Variants in ARHGAP24 observed in about 807,000 individuals in gnomAD.
The protein encoded by ARHGAP24 is Rho GTPase activating protein 24.
ARHGAP24 carries 50 observed loss-of-function variants against 76.4 expected under a neutral mutation model. The ratio of observed to expected loss-of-function variants is 0.65; its 90% CI spans 0.52 to 0.83. ARHGAP24 has a LOEUF of 0.83. Ranked by LOEUF, ARHGAP24 falls within the 40% of genes least tolerant of loss-of-function variation. ARHGAP24 has a pLI of 0.00. For synonymous variants in ARHGAP24, 345 were observed against 323.3 expected (o/e 1.07, Z -0.72); for missense variants, 930 against 914.2 (o/e 1.02, Z -0.22).
At chr4:85,587,143 GTAGT>G (rs1727894106) in intron 2 of ARHGAP24, among the ~76,000 whole-genome samples, 1 of 152,144 alleles carries the variant, frequency 6.6e-6, no homozygotes, top group African/African-American at 2.4e-5. Context: ...TTACTTTTAT[GTAGT>G]CAAACAGTGC....
intron 2 of ARHGAP24, among the ~76,000 whole-genome samples, chr4:85,667,116 G>T (rs1316798044): frequency 6.6e-6 from 1 of 152,212 alleles, no homozygotes; most frequent in East Asian, 1.9e-4. Flanking sequence ...GCCTACAGAG[G>T]CAGGCAGGCC....
At chr4:85,643,894 A>G (rs2109973337) in intron 2 of ARHGAP24, among the ~76,000 whole-genome samples, 1 of 152,302 alleles carries the variant, frequency 6.6e-6, no homozygotes, top group East Asian at 1.9e-4. Flanking sequence ...AGTCCAGGAA[A>G]GATTAGCCTG....
At chr4:85,719,403 ACAATT>A (rs2110041162) in intron 2 of ARHGAP24, among the ~76,000 whole-genome samples, 1 of 152,302 alleles carries the variant, frequency 6.6e-6, no homozygotes, top group East Asian at 1.9e-4. Flanking sequence ...CTTCTAACAT[ACAATT>A]TCTTGGGTTT....
intron 3 of ARHGAP24, among the ~76,000 whole-genome samples, chr4:85,744,522 C>T (rs561250891): frequency 1.3e-5 from 2 of 152,224 alleles, no homozygotes; most frequent in South Asian, 4.1e-4. Context: ...GGATCTTTAG[C>T]ATATTGGTTG....
chr4:85,507,201 C>T (rs2110103149), intron 1 of ARHGAP24, among the ~76,000 whole-genome samples: 1 of 151,932 alleles, frequency 6.6e-6, no homozygotes, highest in East Asian at 1.9e-4. Context: ...ATTTACTTGT[C>T]TTTTAAAAAT....
chr4:85,582,563 CT>C (rs1034538550), intron 2 of ARHGAP24, among the ~76,000 whole-genome samples: 7 of 151,988 alleles, frequency 4.6e-5, no homozygotes, highest in Non-Finnish European at 7.4e-5. Flanking sequence ...TAGTTTACTG[CT>C]TGAAATTGTA....
At chr4:85,731,397 C>A (rs1289570364) in intron 3 of ARHGAP24, among the ~76,000 whole-genome samples, 11 of 152,142 alleles carry the variant, frequency 7.2e-5, no homozygotes, top group African/African-American at 2.4e-4. Context: ...CACCTTCTAT[C>A]CCTACTGCCT....
chr4:85,971,062 T>C (rs1738943347), intron 5 of ARHGAP24, among the ~76,000 whole-genome samples: 1 of 152,228 alleles, frequency 6.6e-6, no homozygotes, highest in Non-Finnish European at 1.5e-5. Flanking sequence ...TTTCATTGTT[T>C]ATTTTTATAG....
intron 3 of ARHGAP24, among the ~76,000 whole-genome samples, chr4:85,903,268 T>A (rs1438144525): frequency 6.6e-6 from 1 of 152,182 alleles, no homozygotes; most frequent in Non-Finnish European, 1.5e-5. Context: ...TCTAAAAAAA[T>A]TTTCTGATAA....
chr4:85,518,612 C>T (rs775028463), intron 1 of ARHGAP24, among the ~76,000 whole-genome samples: 12 of 152,076 alleles, frequency 7.9e-5, no homozygotes, highest in Non-Finnish European at 1.2e-4. Context: ...TGAGAACATA[C>T]GATGTTTGGT....
In ARHGAP24 at chr4:85,535,486, C is replaced by T. The variant is rs145551480; in HGVS notation, c.-20-35036C>T. 5.8e-3 allele frequency among the ~76,000 whole-genome samples: 877 copies of T among 152,210 alleles called. 4 individuals carry two copies. Among genetic ancestry groups the T allele is most frequent in the African/African-American group, 0.02 (835 of 41,534 alleles). ...GGGAGGTCTAGAGATAGAAAAAGTA[C>T]CCAGGTCATCCCATTTGTCAATTCT... On this transcript the variant is annotated intron_variant, in intron 1 of 9. Coordinates refer to ENST00000395184, the MANE Select transcript of ARHGAP24 (RefSeq NM_001025616.3).
chr4:86,000,456 AC>A (rs144475387), intron 9 of ARHGAP24, 22 bp from the exon 10 acceptor site: 43 of 485,594 alleles, frequency 8.9e-5, no homozygotes, highest in South Asian at 1.8e-4. Flanking sequence ...CCCACCCCCC[AC>A]CCCCCCCAAC....
Position 85,926,703 on chromosome 4 carries a change from A to G in ARHGAP24, c.391+2933A>G, listed in dbSNP as rs148157146. Among the ~76,000 whole-genome samples, 489 of 152,288 alleles carry G rather than the reference A, an allele frequency of 3.2e-3. 4 individuals are homozygous for G. Among genetic ancestry groups the G allele is most frequent in the African/African-American group, 0.011 (462 of 41,560 alleles). On this transcript the variant is annotated intron_variant, in intron 4 of 9. Transcript: ENST00000395184. Reference sequence around the variant, plus strand: ...GTATTACGTTTCCACTTAACATTTCATTGAAATTAACTTTTCTGCCGATTT... The same window carrying G: ...GTATTACGTTTCCACTTAACATTTCGTTGAAATTAACTTTTCTGCCGATTT...
intron 8 of ARHGAP24, among the ~76,000 whole-genome samples, chr4:85,989,501 A>G (rs1340204171): frequency 6.6e-6 from 1 of 151,764 alleles, no homozygotes; most frequent in Non-Finnish European, 1.5e-5. Context: ...CTTTCAGAAA[A>G]AAAGAAGTAG....
At chr4:85,740,940 A>G (rs1725799229) in intron 3 of ARHGAP24, among the ~76,000 whole-genome samples, 1 of 152,228 alleles carries the variant, frequency 6.6e-6, no homozygotes, top group African/African-American at 2.4e-5. Context: ...TATTCTGTTC[A>G]CTATTGTATT....
rs569405807 is a variant in ARHGAP24, at chr4:86,001,190, T to G, written c.*468T>G. On this transcript the variant is annotated 3_prime_UTR_variant, in exon 10 of 10. Transcript: ENST00000395184. ...AGATAAGCAAAAATATAAATATATA[T>G]ATAAATATATGAGTTATTAAAATCA... 2.5e-5 allele frequency: 10 copies of G among 395,864 alleles called. No homozygotes were observed. In the East Asian group the frequency reaches 3.3e-4, roughly 13 times the overall value. The allele number at this position is 395,864 out of a possible 1,614,324, so 24.5% of individuals were successfully genotyped here. A position where few individuals can be genotyped will look rare whatever the true frequency, so the allele number is the denominator to read the frequency against.
At chr4:85,909,329 G>A (rs907610798) in intron 3 of ARHGAP24, among the ~76,000 whole-genome samples, 1 of 151,624 alleles carries the variant, frequency 6.6e-6, no homozygotes, top group Non-Finnish European at 1.5e-5. Context: ...GTGTGTGTAT[G>A]TATGTGTGTA....
intron 3 of ARHGAP24, among the ~76,000 whole-genome samples, chr4:85,847,964 G>T (rs769475284): frequency 1.3e-5 from 2 of 152,050 alleles, no homozygotes; most frequent in African/African-American, 2.4e-5. Context: ...CATAATAAAG[G>T]AATCTAGGCA....
intron 3 of ARHGAP24, among the ~76,000 whole-genome samples, chr4:85,765,709 G>C (rs1726906407): frequency 6.6e-6 from 1 of 152,114 alleles, no homozygotes; most frequent in African/African-American, 2.4e-5. Flanking sequence ...ATGGATATGA[G>C]TGTTTATCAT....
Sources: allele counts gnomAD v4.1 joint callset (sites outside exome capture counted in the v4.1 genomes callset), GRCh38; gene constraint gnomAD v4.1.1; transcripts MANE v1.5; gene names NCBI Gene and HGNC (gene_info 2026-07-23, HGNC 2026-07-21).